The following OCA2 variants were observed in gnomAD, a reference collection of about 807,000 sequenced individuals.
OCA2 encodes P protein.
OCA2 carries 77 observed loss-of-function variants against 100.2 expected under a neutral mutation model. The observed-to-expected ratio is 0.77, with a 90% CI of 0.64 to 0.93. The LOEUF (loss-of-function observed/expected upper bound fraction) is 0.93, where lower values mean the gene tolerates loss of function less well. Among genes scored for constraint, OCA2 ranks in the 40% least tolerant of loss-of-function variants. The pLI, the probability that OCA2 is intolerant of heterozygous loss-of-function variation, is 0.00. For synonymous variants in OCA2, 432 were observed against 439.2 expected, an observed-to-expected ratio of 0.98 and a Z score of 0.21; for missense variants, 1,062 against 1,089.1, an observed-to-expected ratio of 0.98 and a Z score of 0.35.
intron 9 of OCA2, among the ~76,000 whole-genome samples, chr15:28,005,571 TTCGAAGCCA>T (rs1300614727): frequency 1.3e-5 from 2 of 152,110 alleles, no homozygotes; most frequent in Non-Finnish European, 2.9e-5. Context: ...CTTTTCCAGC[TTCGAAGCCA>T]TCAACGGTGA....
chr15:27,993,593 G>C (rs1260907281), intron 9 of OCA2, among the ~76,000 whole-genome samples: 1 of 152,178 alleles, frequency 6.6e-6, no homozygotes, highest in African/African-American at 2.4e-5. Context: ...TCTCAGGACA[G>C]CTGGGCTCAT....
intron 15 of OCA2, among the ~76,000 whole-genome samples, chr15:27,959,567 C>A (rs972504138): frequency 6.6e-6 from 1 of 152,228 alleles, no homozygotes; most frequent in Non-Finnish European, 1.5e-5. Context: ...TGAAGGGCCA[C>A]TTTCTGAAGC....
intron 23 of OCA2, among the ~76,000 whole-genome samples, chr15:27,760,543 T>A (rs1261933966): frequency 6.6e-6 from 1 of 151,416 alleles, no homozygotes; most frequent in African/African-American, 2.4e-5. Context: ...TTAAAAAAGA[T>A]CAATAAAATT....
At chr15:28,085,608 A>G (rs2044763679) in intron 1 of OCA2, among the ~76,000 whole-genome samples, 1 of 152,114 alleles carries the variant, frequency 6.6e-6, no homozygotes, top group African/African-American at 2.4e-5. Flanking sequence ...TCAAGGACAC[A>G]CTTGTCTACA....
intron 18 of OCA2, among the ~76,000 whole-genome samples, chr15:27,931,855 C>T (rs918427732): frequency 3.9e-5 from 6 of 152,184 alleles, no homozygotes; most frequent in African/African-American, 1.4e-4. Context: ...CACTTGTCTA[C>T]TTTTGCAAGA....
chr15:27,886,810 C>G (rs908538198), intron 19 of OCA2, among the ~76,000 whole-genome samples: 1 of 152,142 alleles, frequency 6.6e-6, no homozygotes, highest in East Asian at 1.9e-4. Context: ...CCAAGCACAC[C>G]TATAAACCCT....
At chr15:27,964,697 A>C (rs2040508623) in intron 15 of OCA2, among the ~76,000 whole-genome samples, 1 of 152,174 alleles carries the variant, frequency 6.6e-6, no homozygotes, top group Non-Finnish European at 1.5e-5. Context: ...CTGTTCTGAC[A>C]ATGCTCTGTA....
chr15:28,085,901 G>A (rs2044768079), intron 1 of OCA2, among the ~76,000 whole-genome samples: 1 of 152,192 alleles, frequency 6.6e-6, no homozygotes, highest in Non-Finnish European at 1.5e-5. Flanking sequence ...AGCCTAGCAA[G>A]ACAGAAAGCT....
intron 21 of OCA2, among the ~76,000 whole-genome samples, chr15:27,865,839 C>T (rs560897733): frequency 6.6e-6 from 1 of 152,272 alleles, no homozygotes; most frequent in African/African-American, 2.4e-5. Flanking sequence ...CAGGCCTGAA[C>T]TAGACCCGCG....
At chr15:27,796,784 A>G (rs1040914071) in intron 23 of OCA2, among the ~76,000 whole-genome samples, 1 of 152,134 alleles carries the variant, frequency 6.6e-6, no homozygotes, top group East Asian at 1.9e-4. Context: ...AACTATACGG[A>G]AAAATCTGTA....
chr15:27,937,628 A>G (rs796196640), intron 18 of OCA2, among the ~76,000 whole-genome samples: 8 of 152,252 alleles, frequency 5.3e-5, no homozygotes, highest in African/African-American at 1.9e-4. Context: ...GTTGTGGTTA[A>G]ATTTTGCATT....
At chr15:27,876,276 G>A (rs1431934638) in intron 19 of OCA2, among the ~76,000 whole-genome samples, 1 of 151,948 alleles carries the variant, frequency 6.6e-6, no homozygotes, top group African/African-American at 2.4e-5. Context: ...ACTAATTATT[G>A]AATGTTAAAT....
chr15:27,775,226 G>C (rs559615312), intron 23 of OCA2, among the ~76,000 whole-genome samples: 1 of 152,116 alleles, frequency 6.6e-6, no homozygotes, highest in Non-Finnish European at 1.5e-5. Flanking sequence ...GGCTGAGTGC[G>C]GCCTGGCGAC....
intron 23 of OCA2, among the ~76,000 whole-genome samples, chr15:27,756,600 C>A (rs961533799): frequency 6.6e-6 from 1 of 151,842 alleles, no homozygotes; most frequent in African/African-American, 2.4e-5. Flanking sequence ...CAGCCCTGAT[C>A]ATTGAGTTCT....
the OCA2 span, among the ~76,000 whole-genome samples, chr15:27,722,175 G>A: frequency 3.5e-4 from 53 of 152,334 alleles, no homozygotes; most frequent in African/African-American, 1.2e-3. Context: ...GAAAGCATCT[G>A]CTGTATCCGC....
chr15:27,996,760 G>A (rs2041740628), intron 9 of OCA2, among the ~76,000 whole-genome samples: 1 of 151,928 alleles, frequency 6.6e-6, no homozygotes, highest in Non-Finnish European at 1.5e-5. Flanking sequence ...TAGAAAACCT[G>A]AACAGACCAA....
chr15:27,962,135 A>C (rs1595724538), intron 15 of OCA2, among the ~76,000 whole-genome samples: 1 of 152,222 alleles, frequency 6.6e-6, no homozygotes, highest in African/African-American at 2.4e-5. Context: ...AGATAAATAG[A>C]AGATAGACAG....
intron 2 of OCA2, among the ~76,000 whole-genome samples, chr15:28,072,771 T>C (rs1169553236): frequency 2.0e-5 from 3 of 152,086 alleles, no homozygotes; most frequent in South Asian, 4.1e-4. Context: ...CCAGTCAGAA[T>C]GGCTATTATT....
the OCA2 span, among the ~76,000 whole-genome samples, chr15:27,733,706 A>G: frequency 5.3e-5 from 8 of 152,324 alleles, 1 homozygote; most frequent in Admixed American, 6.5e-5. Context: ...TTCACTAAAC[A>G]TTTATTAATA....
Sources: gnomAD v4.1 joint callset for allele counts (sites outside exome capture counted in the v4.1 genomes callset) on GRCh38, gnomAD v4.1.1 for gene constraint, MANE v1.5 for transcripts, NCBI Gene and HGNC (gene_info 2026-07-23, HGNC 2026-07-21) for gene names.